Variants in KIF26B observed in about 807,000 individuals in gnomAD.
KIF26B encodes the protein kinesin family member 26B.
KIF26B carries 63 observed loss-of-function variants against 151.2 expected under a neutral mutation model. That is an observed-to-expected ratio of 0.42 (90% confidence interval 0.34 to 0.51). KIF26B has a LOEUF of 0.51. KIF26B is among the 20% of genes least tolerant of loss of function. The pLI, the probability that KIF26B is intolerant of heterozygous loss-of-function variation, is 0.07. For synonymous variants in KIF26B, 1,357 were observed against 1,262.1 expected (o/e 1.08, Z -1.59); for missense variants, 2,813 against 2,913.6 (o/e 0.97, Z 0.79).
chr1:245,347,630 T>C (rs1171077626), intron 2 of KIF26B, among the ~76,000 whole-genome samples: 4 of 152,214 alleles, frequency 2.6e-5, no homozygotes, highest in Non-Finnish European at 5.9e-5. Context: ...ATTTCTTTGA[T>C]TATCTTTGCA....
At chr1:245,586,054 C>T (rs2043220534) in intron 5 of KIF26B, among the ~76,000 whole-genome samples, 3 of 152,094 alleles carry the variant, frequency 2.0e-5, no homozygotes, top group Admixed American at 6.6e-5. Flanking sequence ...GAATGCAGTG[C>T]TGTGTGATCA....
At chr1:245,284,696 C>A (rs777642213) in intron 2 of KIF26B, among the ~76,000 whole-genome samples, 4 of 152,184 alleles carry the variant, frequency 2.6e-5, no homozygotes, top group Non-Finnish European at 5.9e-5. Context: ...TATTGGTTAT[C>A]TTTTGCCCTA....
At chr1:245,675,265 CATTACATTGGCATGATT>C (rs1369068369) in intron 10 of KIF26B, among the ~76,000 whole-genome samples, 1 of 152,128 alleles carries the variant, frequency 6.6e-6, no homozygotes, top group African/African-American at 2.4e-5. Context: ...ACTGTGGTTT[CATTACATTGGCATGATT>C]GATTGATTGA....
rs34401122 is a variant in KIF26B, at chr1:245,642,562, GAAAAAAA to G, written c.2099-3538_2099-3532del. On this transcript the variant is annotated intron_variant, in intron 9 of 14. Transcript: ENST00000407071. ...GGGGACAGAGCGAGACTCCGTCTCAGAAAAAAAAAAAAAAAAAAAAAAAAAAATGGAG... is the reference window on the plus strand; with the variant it reads ...GGGGACAGAGCGAGACTCCGTCTCAGAAAAAAAAAAAAAAAAAAAATGGAG... 3.0e-4 allele frequency among the ~76,000 whole-genome samples: 22 copies of G among 73,040 alleles called. 1 individual carries two copies. The highest frequency in any genetic ancestry group is 4.8e-4 in the African/African-American group (11 of 22,696). The allele number at this position is 73,040 out of a possible 152,430, so 47.9% of individuals were successfully genotyped here. A position where few individuals can be genotyped will look rare whatever the true frequency, so the allele number is the denominator to read the frequency against.
chr1:245,641,281 T>G (rs77497773), intron 9 of KIF26B, among the ~76,000 whole-genome samples: 1,690 of 129,370 alleles, frequency 0.013, 23 homozygotes, highest in Middle Eastern at 0.044. Flanking sequence ...CTTTGACCTT[T>G]GTGAGTTTAA....
chr1:245,369,254 T>G (rs919319968), intron 3 of KIF26B, among the ~76,000 whole-genome samples: 24 of 151,926 alleles, frequency 1.6e-4, no homozygotes, highest in Non-Finnish European at 2.8e-4. Flanking sequence ...CTGGTGAAGC[T>G]GGGGAAGCCA....
chr1:245,483,753 T>C (rs1280853889), intron 4 of KIF26B, among the ~76,000 whole-genome samples: 1 of 151,770 alleles, frequency 6.6e-6, no homozygotes, highest in Non-Finnish European at 1.5e-5. Flanking sequence ...AACGTTCATT[T>C]TGCAGATTTT....
chr1:245,687,969 G>T lies in KIF26B; in HGVS notation c.4986G>T (p.Leu1662=). Reference sequence around the variant, plus strand: ...TCTTCAGTGCCAAGCTGGAGCAGCTGGCCAGCAGAAGCAACTCGCTGGGCA... The same window carrying T: ...TCTTCAGTGCCAAGCTGGAGCAGCTTGCCAGCAGAAGCAACTCGCTGGGCA... ...SKLFSAKLEQ[L]ASRSNSLGRA... is the part of the protein sequence containing the mutation. Residue 1662 remains leucine (L), a synonymous_variant, in exon 12 of 15, where the codon CTG becomes CTT. Coordinates refer to ENST00000407071, the MANE Select transcript of KIF26B (RefSeq NM_018012.4). The surrounding 1 kb of genome is among the most constrained non-coding windows in gnomAD (Gnocchi z 4.9). 6.3e-7 allele frequency: 1 copy of T among 1,585,650 alleles called. No individual in the cohort carries two copies.
At chr1:245,493,488 C>T (rs754492022) in intron 4 of KIF26B, among the ~76,000 whole-genome samples, 5 of 152,208 alleles carry the variant, frequency 3.3e-5, no homozygotes, top group African/African-American at 7.2e-5. Flanking sequence ...TAAACTCTGC[C>T]GTTGACCAGT....
intron 3 of KIF26B, among the ~76,000 whole-genome samples, chr1:245,394,610 A>G (rs577835956): frequency 6.6e-6 from 1 of 152,292 alleles, no homozygotes; most frequent in African/African-American, 2.4e-5. Context: ...GCAGCAGAGC[A>G]AGACTCTGTC....
chr1:245,340,201 C>T (rs1672308841), intron 2 of KIF26B, among the ~76,000 whole-genome samples: 1 of 152,214 alleles, frequency 6.6e-6, no homozygotes. Context: ...CACAAATGCT[C>T]AAGTCCCTGG....
chr1:245,359,143 C>T (rs568915947), intron 2 of KIF26B, among the ~76,000 whole-genome samples: 13 of 152,146 alleles, frequency 8.5e-5, no homozygotes, highest in East Asian at 5.8e-4. Flanking sequence ...CTCAGCCTCC[C>T]GGGTAGCTGG....
chr1:245,427,363 T>A (rs1396906855), intron 4 of KIF26B, among the ~76,000 whole-genome samples: 1 of 152,220 alleles, frequency 6.6e-6, no homozygotes, highest in Admixed American at 6.5e-5. Context: ...ATCCCAGCAC[T>A]TCGGGAGGCC....
intron 3 of KIF26B, among the ~76,000 whole-genome samples, chr1:245,401,926 C>T (rs948763962): frequency 6.6e-6 from 1 of 151,900 alleles, no homozygotes; most frequent in Non-Finnish European, 1.5e-5. Flanking sequence ...CAAAAAAAAC[C>T]CCCGAAACAG....
At chr1:245,285,589 C>T (rs895790449) in intron 2 of KIF26B, among the ~76,000 whole-genome samples, 1 of 151,148 alleles carries the variant, frequency 6.6e-6, no homozygotes, top group Non-Finnish European at 1.5e-5. Flanking sequence ...TTCATCTCTA[C>T]TCCTGAAGTC....
chr1:245,274,708 A>G (rs544327817), intron 2 of KIF26B, among the ~76,000 whole-genome samples: 38 of 152,284 alleles, frequency 2.5e-4, no homozygotes, highest in African/African-American at 8.7e-4. Flanking sequence ...ATGTGTCTTT[A>G]TAGTAGAATG....
intron 2 of KIF26B, among the ~76,000 whole-genome samples, chr1:245,330,164 T>C (rs1371043061): frequency 3.3e-5 from 5 of 151,392 alleles, no homozygotes; most frequent in African/African-American, 4.9e-5. Flanking sequence ...CAAGGCTCCA[T>C]GTAGAATTGT....
At chr1:245,466,756 TC>T (rs1190730842) in intron 4 of KIF26B, among the ~76,000 whole-genome samples, 1 of 152,122 alleles carries the variant, frequency 6.6e-6, no homozygotes, top group Non-Finnish European at 1.5e-5. Context: ...TGAAACCCTG[TC>T]TCCACTAAAA....
intron 2 of KIF26B, among the ~76,000 whole-genome samples, chr1:245,221,517 C>T (rs1466337210): frequency 6.6e-6 from 1 of 152,046 alleles, no homozygotes; most frequent in East Asian, 1.9e-4. Flanking sequence ...AAACCATCTC[C>T]TGCCTCAGCC....
Sources: gnomAD v4.1 joint callset for allele counts (sites outside exome capture counted in the v4.1 genomes callset) on GRCh38, gnomAD v4.1.1 for gene constraint, Gnocchi (gnomAD v3.1) non-coding constraint, MANE v1.5 for transcripts, NCBI Gene and HGNC (gene_info 2026-07-23, HGNC 2026-07-21) for gene names.